SH3BGRL2: variants seen among roughly 807,000 people sequenced by gnomAD.
The protein encoded by SH3BGRL2 is SH3 domain binding glutamate rich protein like 2, also known as SH3 domain-binding glutamic acid-rich-like protein 2.
In SH3BGRL2, 21 loss-of-function variants were observed where a neutral mutation model predicts 14.8. That is an observed-to-expected ratio of 1.42 (90% CI 1.01 to 2.05). The LOEUF (loss-of-function observed/expected upper bound fraction) is 2.05, where lower values mean the gene tolerates loss of function less well. SH3BGRL2 is among the 30% of genes most tolerant of loss of function. The probability of loss-of-function intolerance (pLI) is 0.00; values close to 1 mark genes in which losing one functional copy is unlikely to be tolerated. For synonymous variants in SH3BGRL2, 50 were observed against 47.8 expected (o/e 1.05, Z -0.19); for missense variants, 147 against 130.8 (o/e 1.12, Z -0.61).
intron 1 of SH3BGRL2, among the ~76,000 whole-genome samples, chr6:79,644,341 G>A (rs1165786602): frequency 1.3e-5 from 2 of 152,102 alleles, no homozygotes; most frequent in Admixed American, 6.6e-5. Flanking sequence ...GTCTGGGGGA[G>A]TGTAGACAGC....
At chr6:79,679,502 G>T (rs1582734426) in intron 2 of SH3BGRL2, among the ~76,000 whole-genome samples, 1 of 151,512 alleles carries the variant, frequency 6.6e-6, no homozygotes, top group East Asian at 1.9e-4. Context: ...CTGGATATTA[G>T]ACCTTTGTCA....
the SH3BGRL2 span, among the ~76,000 whole-genome samples, chr6:79,577,069 C>CT: frequency 1.3e-5 from 2 of 151,968 alleles, no homozygotes; most frequent in Non-Finnish European, 2.9e-5. Flanking sequence ...TTCCCTCTCT[C>CT]TGTCTCTCTT....
At chr6:79,689,753 A>C (rs961834358) in intron 2 of SH3BGRL2, among the ~76,000 whole-genome samples, 1 of 152,120 alleles carries the variant, frequency 6.6e-6, no homozygotes, top group Non-Finnish European at 1.5e-5. Context: ...TTTTAAGATT[A>C]AGGTTTTTAA....
At chr6:79,682,941 A>G (rs1562156973) in intron 2 of SH3BGRL2, among the ~76,000 whole-genome samples, 1 of 152,216 alleles carries the variant, frequency 6.6e-6, no homozygotes, top group Non-Finnish European at 1.5e-5. Context: ...TCAGCAAACT[A>G]TCACAAGGAC....
chr6:79,631,506 G>A lies in SH3BGRL2; in HGVS notation c.45G>A (p.Ala15=). ...VFIASSSGFV[A]IKKKQQDVVR... Reference sequence around the variant, plus strand: ...TCGCCTCTTCCTCGGGCTTCGTGGCGGTGAGCGCGGTGGGGGCGGGCAGTA... The same window carrying A: ...TCGCCTCTTCCTCGGGCTTCGTGGCAGTGAGCGCGGTGGGGGCGGGCAGTA... Residue 15 remains alanine (A), a splice_region_variant and synonymous_variant, in exon 1 of 4, where the codon GCG becomes GCA. Coordinates refer to ENST00000369838, the MANE Select transcript of SH3BGRL2 (RefSeq NM_031469.4). The A allele has an allele frequency of 2.7e-6, 4 of 1,470,528 alleles. No individual in the cohort carries two copies. Among genetic ancestry groups the A allele is most frequent in the Middle Eastern group, 1.9e-4 (1 of 5,342 alleles). The allele number at this position is 1,470,528 out of a possible 1,614,324, so 91.1% of individuals were successfully genotyped here. A position where few individuals can be genotyped will look rare whatever the true frequency, so the allele number is the denominator to read the frequency against.
chr6:79,693,819 TAGTG>T (rs1336018747), intron 2 of SH3BGRL2, among the ~76,000 whole-genome samples: 1 of 152,128 alleles, frequency 6.6e-6, no homozygotes, highest in African/African-American at 2.4e-5. Context: ...GGGGTAGAAA[TAGTG>T]AGATTAGACA....
At chr6:79,644,291 G>A (rs1455229099) in intron 1 of SH3BGRL2, among the ~76,000 whole-genome samples, 1 of 152,132 alleles carries the variant, frequency 6.6e-6, no homozygotes, top group East Asian at 1.9e-4. Flanking sequence ...AAAGGAGGAG[G>A]CCAGAGTTGG....
Position 79,700,492 on chromosome 6 carries a change from C to T in SH3BGRL2, c.*983C>T, listed in dbSNP as rs1770432616. The T allele has an allele frequency of 6.6e-6, 1 of 151,952 alleles. No individual in the cohort carries two copies. Among genetic ancestry groups the T allele is most frequent in the Admixed American group, 6.6e-5 (1 of 15,254 alleles). The allele number at this position is 151,952 out of a possible 1,614,324, so 9.4% of individuals were successfully genotyped here. A position where few individuals can be genotyped will look rare whatever the true frequency, so the allele number is the denominator to read the frequency against. ...CTTGATTAGACATATTAAAATATACCAATGTTGTAGTAAAATTTAATTTTT... is the reference window on the plus strand; with the variant it reads ...CTTGATTAGACATATTAAAATATACTAATGTTGTAGTAAAATTTAATTTTT... On this transcript the variant is annotated 3_prime_UTR_variant, in exon 4 of 4. Coordinates refer to ENST00000369838, the MANE Select transcript of SH3BGRL2 (RefSeq NM_031469.4).
At chr6:79,635,887 A>G (rs1192019368) in intron 1 of SH3BGRL2, among the ~76,000 whole-genome samples, 1 of 152,214 alleles carries the variant, frequency 6.6e-6, no homozygotes, top group South Asian at 2.1e-4. Context: ...TATACACACA[A>G]TTACCAGGTA....
the SH3BGRL2 span, chr6:79,575,171 C>CT: frequency 1.3e-5 from 2 of 152,240 alleles, no homozygotes; most frequent in East Asian, 3.9e-4. Flanking sequence ...TTAGATGAAG[C>CT]TTTTTCAGTT....
chr6:79,631,611 C>A, intron 1 of SH3BGRL2, 105 bp downstream of exon 1: 1 of 866,126 alleles, frequency 1.2e-6, no homozygotes, highest in Non-Finnish European at 1.5e-6. Context: ...GCCGGTCCGC[C>A]CGCGGGAGCC....
the SH3BGRL2 span, among the ~76,000 whole-genome samples, chr6:79,555,411 C>T: frequency 6.6e-6 from 1 of 152,228 alleles, no homozygotes; most frequent in East Asian, 1.9e-4. Context: ...GATGGTTGTA[C>T]TGCACTCCAG....
chr6:79,684,119 G>T lies in SH3BGRL2; in HGVS notation c.231+10320G>T, dbSNP rs142872878. 4.6e-3 allele frequency among the ~76,000 whole-genome samples: 707 copies of T among 152,248 alleles called. 1 individual carries two copies. The highest frequency in any genetic ancestry group is 7.5e-3 in the Non-Finnish European group (512 of 68,028). ...GGATGCTATTTATTTAGGGCTAATGGCTACATCTACTATATGATACTTAAG... is the reference window on the plus strand; with the variant it reads ...GGATGCTATTTATTTAGGGCTAATGTCTACATCTACTATATGATACTTAAG... On this transcript the variant is annotated intron_variant, in intron 2 of 3. Transcript: ENST00000369838.
chr6:79,694,540 G>A lies in SH3BGRL2; in HGVS notation c.232-1945G>A, dbSNP rs182579125. ...GTCTTACAAGAAATTACAAATTTTCGTACAAATTCCATGAAATCTCTACAT... is the reference window on the plus strand; with the variant it reads ...GTCTTACAAGAAATTACAAATTTTCATACAAATTCCATGAAATCTCTACAT... On this transcript the variant is annotated intron_variant, in intron 2 of 3. Coordinates refer to ENST00000369838, the MANE Select transcript of SH3BGRL2 (RefSeq NM_031469.4). Among the ~76,000 whole-genome samples, 137 of 152,158 alleles carry A rather than the reference G, an allele frequency of 9.0e-4. 1 individual carries two copies. The highest frequency in any genetic ancestry group is 6.5e-4 in the Non-Finnish European group (44 of 68,016).
chr6:79,634,318 A>C (rs1429161921), intron 1 of SH3BGRL2, among the ~76,000 whole-genome samples: 1 of 152,200 alleles, frequency 6.6e-6, no homozygotes, highest in Non-Finnish European at 1.5e-5. Context: ...GCAATGCCAC[A>C]TTATTATGCT....
the SH3BGRL2 span, chr6:79,575,622 T>C: frequency 6.6e-6 from 1 of 152,104 alleles, no homozygotes; most frequent in African/African-American, 2.4e-5. Context: ...AAGTAACCCT[T>C]CAAATATTTT....
At chr6:79,695,034 TG>T (rs1017813734) in intron 2 of SH3BGRL2, among the ~76,000 whole-genome samples, 13 of 152,350 alleles carry the variant, frequency 8.5e-5, no homozygotes, top group Middle Eastern at 3.4e-3. Flanking sequence ...ATCATTTTCT[TG>T]GTTTACAAAG....
chr6:79,589,064 C>T, the SH3BGRL2 span, among the ~76,000 whole-genome samples: 2 of 151,934 alleles, frequency 1.3e-5, no homozygotes, highest in Admixed American at 6.6e-5. Flanking sequence ...TACTTTAAAT[C>T]ATCTCTAGAT....
chr6:79,581,370 C>T, the SH3BGRL2 span, among the ~76,000 whole-genome samples: 2 of 152,156 alleles, frequency 1.3e-5, no homozygotes, highest in Non-Finnish European at 2.9e-5. Context: ...CCCTGATGAA[C>T]ATCAATGCAA....
Sources: allele counts gnomAD v4.1 joint callset (sites outside exome capture counted in the v4.1 genomes callset), GRCh38; gene constraint gnomAD v4.1.1; transcripts MANE v1.5; gene names NCBI Gene and HGNC (gene_info 2026-07-23, HGNC 2026-07-21).